ZFX: variants seen among roughly 807,000 people sequenced by gnomAD.
ZFX encodes the protein zinc finger X-chromosomal protein.
For missense variants in ZFX, 362 were observed against 628.3 expected (o/e 0.58, Z 4.53); for synonymous variants, 196 against 226.8 (o/e 0.86, Z 1.22).
intron 3 of ZFX, among the ~76,000 whole-genome samples, chrX:24,167,488 T>G (rs1301421319): frequency 9.0e-6 from 1 of 111,509 alleles, no homozygotes; most frequent in Non-Finnish European, 1.9e-5. Context: ...TTCAACTAAC[T>G]GAATAATGAA....
chrX:24,152,394 A>T (rs780280830), intron 2 of ZFX, among the ~76,000 whole-genome samples: 3 of 111,035 alleles, frequency 2.7e-5, no homozygotes, highest in Non-Finnish European at 5.7e-5. Context: ...TGACCTCCCA[A>T]AGTGCTGGGA....
Position 24,207,726 on chromosome X carries a change from A to G in ZFX, c.811A>G (p.Ile271Val). The change falls in exon 7 of 10, where the codon ATT becomes GTT. Residue 271 changes from isoleucine (I) to valine (V), a missense_variant. Physicochemically the swap from Ile to Val is conservative, Grantham distance 29 (BLOSUM62 3). Transcript: ENST00000304543. Reference protein sequence around the residue: ...GEDDLGGTVDIVESEPENDHG... With the variant: ...GEDDLGGTVDVVESEPENDHG... ...CTGATTGATAGGTGGAACTGTAGAC[A>G]TTGTGGAGAGTGAGCCTGAGAATGA... 8.3e-7 allele frequency: 1 copy of G among 1,211,543 alleles called. No homozygotes were observed. Among genetic ancestry groups the G allele is most frequent in the East Asian group, 3.0e-5 (1 of 33,851 alleles).
intron 4 of ZFX, among the ~76,000 whole-genome samples, chrX:24,176,840 A>G (rs1398594610): frequency 8.9e-6 from 1 of 112,247 alleles, no homozygotes; most frequent in Non-Finnish European, 1.9e-5. Flanking sequence ...GTCTGAGTCA[A>G]CCAGAGGCAC....
chrX:24,195,602 G>A (rs1257175950), intron 5 of ZFX, among the ~76,000 whole-genome samples: 2 of 110,677 alleles, frequency 1.8e-5, no homozygotes, highest in Admixed American at 9.5e-5. Context: ...TGATCCGCCC[G>A]CCTCGGCCTC....
chrX:24,170,533 G>A (rs5949209), intron 3 of ZFX, among the ~76,000 whole-genome samples: 21,196 of 108,961 alleles, frequency 0.19, 1,931 homozygotes, highest in Non-Finnish European at 0.26. Flanking sequence ...GTGGTTTTGC[G>A]GGAGTGGGGC....
At chrX:24,200,552 C>T (rs1361507815) in intron 5 of ZFX, among the ~76,000 whole-genome samples, 1 of 112,285 alleles carries the variant, frequency 8.9e-6, no homozygotes, top group Non-Finnish European at 1.9e-5. Context: ...TAATGTTGTA[C>T]CTTTGTTTAA....
chrX:24,155,381 A>AT (rs1486123058), intron 3 of ZFX, among the ~76,000 whole-genome samples: 2 of 111,718 alleles, frequency 1.8e-5, no homozygotes, highest in African/African-American at 6.5e-5. Flanking sequence ...AAAACTACTG[A>AT]TTCCATTCAT....
intron 5 of ZFX, among the ~76,000 whole-genome samples, chrX:24,186,153 C>T (rs924384186): frequency 1.8e-5 from 2 of 111,147 alleles, no homozygotes; most frequent in African/African-American, 6.5e-5. Flanking sequence ...ATTTATTAAA[C>T]ACTCTATCTT....
At chrX:24,157,230 TTTG>T (rs1326414613) in intron 3 of ZFX, among the ~76,000 whole-genome samples, 2 of 112,352 alleles carry the variant, frequency 1.8e-5, no homozygotes, top group Non-Finnish European at 3.8e-5. Flanking sequence ...CTGTGTAATT[TTTG>T]TTGTCATTGT....
chrX:24,164,065 C>G (rs1933752415), intron 3 of ZFX, among the ~76,000 whole-genome samples: 1 of 100,919 alleles, frequency 9.9e-6, no homozygotes, highest in Non-Finnish European at 2.0e-5. Context: ...ATTTTATTGT[C>G]TTCCCAACCC....
At chrX:24,149,301 A>C (rs1931663553), upstream of ZFX, 1 of 108,906 alleles carries the variant, frequency 9.2e-6, no homozygotes, top group Non-Finnish European at 1.9e-5. Flanking sequence ...CCCACGGGAC[A>C]TGGTGGGGGG....
intron 3 of ZFX, among the ~76,000 whole-genome samples, chrX:24,156,660 C>CTTTTTTTTTTTTTTTTT (rs767019753): frequency 3.6e-5 from 3 of 83,578 alleles, no homozygotes; most frequent in Non-Finnish European, 6.5e-5. Context: ...TAATAATAGC[C>CTTTTTTTTTTTTTTTTT]TTTTTTTTTT....
At chrX:24,182,754 T>C (rs752147570) in intron 5 of ZFX, among the ~76,000 whole-genome samples, 2 of 110,719 alleles carry the variant, frequency 1.8e-5, no homozygotes, top group Non-Finnish European at 3.8e-5. Context: ...TGAACATGTT[T>C]ATAGACTTAA....
At chrX:24,187,396 A>G (rs1936208810) in intron 5 of ZFX, among the ~76,000 whole-genome samples, 1 of 111,927 alleles carries the variant, frequency 8.9e-6, no homozygotes, top group Non-Finnish European at 1.9e-5. Flanking sequence ...AGAGTTCATG[A>G]TAAATAGTGC....
At chrX:24,173,783 C>T (rs778772526) in intron 4 of ZFX, 769 of 414,538 alleles carry the variant, frequency 1.9e-3, no homozygotes, top group Non-Finnish European at 2.7e-3. Flanking sequence ...TGGGTAGTGA[C>T]GGGGTTTTGC....
chrX:24,158,145 C>T (rs766953809), intron 3 of ZFX, among the ~76,000 whole-genome samples: 1 of 111,423 alleles, frequency 9.0e-6, no homozygotes, highest in East Asian at 2.8e-4. Flanking sequence ...GAATGAAAAT[C>T]CTAGATAATA....
chrX:24,171,962 C>G lies in ZFX; in HGVS notation c.-28-753C>G, dbSNP rs73475915. Reference sequence around the variant, plus strand: ...AGAGAGGCAGACAGACAGACAGACACTGATTCTTGCTCATGGTTTTGGATT... The same window carrying G: ...AGAGAGGCAGACAGACAGACAGACAGTGATTCTTGCTCATGGTTTTGGATT... On this transcript the variant is annotated intron_variant, in intron 3 of 9. Transcript: ENST00000304543. Among the ~76,000 whole-genome samples, 336 of 110,066 alleles carry G rather than the reference C, an allele frequency of 3.1e-3. 2 individuals are homozygous for G. The highest frequency in any genetic ancestry group is 0.01 in the African/African-American group (317 of 30,255).
intron 5 of ZFX, among the ~76,000 whole-genome samples, chrX:24,204,205 G>A (rs1253231970): frequency 8.9e-6 from 1 of 112,231 alleles, no homozygotes; most frequent in African/African-American, 3.2e-5. Flanking sequence ...AATGACAAAG[G>A]TTTGGGGCTG....
At chrX:24,152,055 C>A (rs1932226929) in intron 2 of ZFX, among the ~76,000 whole-genome samples, 1 of 111,210 alleles carries the variant, frequency 9.0e-6, no homozygotes, top group African/African-American at 3.3e-5. Flanking sequence ...GGGTTTCTAA[C>A]ATTTCATTTA....
Sources: allele counts gnomAD v4.1 joint callset (sites outside exome capture counted in the v4.1 genomes callset), GRCh38; gene constraint gnomAD v4.1.1; transcripts MANE v1.5; gene names NCBI Gene and HGNC (gene_info 2026-07-23, HGNC 2026-07-21).